The following PPP1R9A variants were observed in gnomAD, a reference collection of about 807,000 sequenced individuals.
PPP1R9A encodes neurabin-1.
Under a neutral mutation model 141.9 loss-of-function variants are expected in PPP1R9A, and 59 were observed. That is an observed-to-expected ratio of 0.42 (90% CI 0.34 to 0.52). The LOEUF is 0.52. PPP1R9A is among the 20% of genes least tolerant of loss of function. The pLI, the probability that PPP1R9A is intolerant of heterozygous loss-of-function variation, is 0.10. For synonymous variants in PPP1R9A, 500 were observed against 569.7 expected (o/e 0.88, Z 1.74); for missense variants, 1,444 against 1,611.9 (o/e 0.90, Z 1.78).
chr7:95,067,081 A>C (rs971472527), intron 2 of PPP1R9A, among the ~76,000 whole-genome samples: 40 of 152,378 alleles, frequency 2.6e-4, no homozygotes, highest in Admixed American at 2.3e-3. Context: ...TTAGAATTCT[A>C]TACCAAAATT....
At chr7:95,093,631 C>G (rs1817643470) in intron 2 of PPP1R9A, among the ~76,000 whole-genome samples, 2 of 151,958 alleles carry the variant, frequency 1.3e-5, no homozygotes, top group Admixed American at 1.3e-4. Context: ...AAAAACCTAC[C>G]CATCAAAAGG....
intron 2 of PPP1R9A, among the ~76,000 whole-genome samples, chr7:95,101,013 C>T (rs1214344715): frequency 1.1e-4 from 16 of 151,108 alleles, no homozygotes; most frequent in Admixed American, 2.6e-4. Context: ...CTACCACGCC[C>T]GGCTAATTTT....
At chr7:95,099,663 A>G (rs1011040648) in intron 2 of PPP1R9A, among the ~76,000 whole-genome samples, 2 of 152,174 alleles carry the variant, frequency 1.3e-5, no homozygotes, top group African/African-American at 4.8e-5. Flanking sequence ...ACTTATTTTT[A>G]AGGCTTTTCT....
intron 4 of PPP1R9A, among the ~76,000 whole-genome samples, chr7:95,157,613 T>C (rs1043183523): frequency 2.6e-5 from 4 of 152,194 alleles, no homozygotes; most frequent in Non-Finnish European, 4.4e-5. Flanking sequence ...CGGCAGGCCG[T>C]CTGGAGTGGC....
intron 2 of PPP1R9A, among the ~76,000 whole-genome samples, chr7:95,067,038 C>T (rs1055775420): frequency 6.6e-6 from 1 of 152,138 alleles, no homozygotes; most frequent in African/African-American, 2.4e-5. Context: ...CAGAGCAATG[C>T]CTTAAAAATT....
At chr7:95,120,960 A>C (rs1822463241) in intron 4 of PPP1R9A, 128 bp downstream of exon 4, 13 of 1,217,640 alleles carry the variant, frequency 1.1e-5, no homozygotes, top group Non-Finnish European at 1.4e-5. Context: ...CTCAGATGTG[A>C]AAATCTTTAA....
intron 2 of PPP1R9A, among the ~76,000 whole-genome samples, chr7:95,085,568 C>T (rs1415124946): frequency 6.6e-6 from 1 of 151,672 alleles, no homozygotes; most frequent in Non-Finnish European, 1.5e-5. Context: ...ATGCTCACCA[C>T]AATGCCTGGC....
intron 5 of PPP1R9A, among the ~76,000 whole-genome samples, chr7:95,181,625 A>ATCACATATATATAGAATATATATATTCCG (rs1833836904): frequency 1.4e-5 from 2 of 141,032 alleles, no homozygotes; most frequent in African/African-American, 2.6e-5. Flanking sequence ...TATATATTCC[A>ATCACATATATATAGAATATATATATTCCG]TCACATATAT....
intron 4 of PPP1R9A, among the ~76,000 whole-genome samples, chr7:95,128,425 A>T (rs1584841547): frequency 2.0e-5 from 3 of 152,186 alleles, no homozygotes; most frequent in Non-Finnish European, 2.9e-5. Context: ...CTTTTGTCAG[A>T]TGCATAGTTT....
At chr7:95,159,626 G>GA (rs1054437914) in intron 4 of PPP1R9A, among the ~76,000 whole-genome samples, 15 of 151,886 alleles carry the variant, frequency 9.9e-5, no homozygotes, top group African/African-American at 3.6e-4. Flanking sequence ...TGCTTCTTTA[G>GA]AAAAAATATG....
intron 4 of PPP1R9A, among the ~76,000 whole-genome samples, chr7:95,151,826 A>T (rs993833856): frequency 6.6e-6 from 1 of 152,052 alleles, no homozygotes; most frequent in African/African-American, 2.4e-5. Context: ...ATTAATTTCC[A>T]AAACAGGTAG....
chr7:95,095,588 G>A (rs1289093349), intron 2 of PPP1R9A, among the ~76,000 whole-genome samples: 1 of 152,160 alleles, frequency 6.6e-6, no homozygotes, highest in Admixed American at 6.5e-5. Context: ...GCTGTATATT[G>A]ACATTTTCAG....
At chr7:95,155,798 TTATCTTAGAA>T in intron 4 of PPP1R9A, 1 of 152,222 alleles carries the variant, frequency 6.6e-6, no homozygotes, top group South Asian at 2.1e-4. Context: ...TTAATGAATT[TTATCTTAGAA>T]TAATATAGCT....
chr7:94,948,630 GC>G (rs1376505733), intron 2 of PPP1R9A, among the ~76,000 whole-genome samples: 1 of 152,114 alleles, frequency 6.6e-6, no homozygotes, highest in Non-Finnish European at 1.5e-5. Context: ...AGTATAGCTA[GC>G]TTTCCCCTCT....
At chr7:95,175,287 G>GATGGATGC (rs1241663281) in intron 5 of PPP1R9A, among the ~76,000 whole-genome samples, 15 of 151,850 alleles carry the variant, frequency 9.9e-5, no homozygotes, top group Non-Finnish European at 1.5e-4. Context: ...TGGATGGATG[G>GATGGATGC]ATGGATGGAT....
chr7:95,221,964 A>G (rs1458091018), intron 7 of PPP1R9A, among the ~76,000 whole-genome samples: 1 of 152,074 alleles, frequency 6.6e-6, no homozygotes, highest in Non-Finnish European at 1.5e-5. Flanking sequence ...ATAAAATGGT[A>G]TGCATATGTG....
In PPP1R9A at chr7:95,292,665, A is replaced by G. The variant is rs1429039027; in HGVS notation, c.*2362A>G. ...CTTATTCCTAAAATCATTTAGTATT[A>G]TAAGTATTTTGATTTTTTAAGTTAA... On this transcript the variant is annotated 3_prime_UTR_variant, in exon 20 of 20. Transcript: ENST00000433360. 1 of 152,212 alleles carries G rather than the reference A, an allele frequency of 6.6e-6. No individual in the cohort carries two copies. The highest frequency in any genetic ancestry group is 1.5e-5 in the Non-Finnish European group (1 of 68,026). The allele number at this position is 152,212 out of a possible 1,614,324, so 9.4% of individuals were successfully genotyped here. A position where few individuals can be genotyped will look rare whatever the true frequency, so the allele number is the denominator to read the frequency against.
At chr7:95,136,706 A>T (rs893008043) in intron 4 of PPP1R9A, among the ~76,000 whole-genome samples, 1 of 152,208 alleles carries the variant, frequency 6.6e-6, no homozygotes, top group South Asian at 2.1e-4. Flanking sequence ...AATATTTGAC[A>T]TCCTAACTTT....
intron 4 of PPP1R9A, among the ~76,000 whole-genome samples, chr7:95,131,214 TGTC>T (rs1824544832): frequency 6.6e-6 from 1 of 152,162 alleles, no homozygotes; most frequent in African/African-American, 2.4e-5. Context: ...CCTGTGCTGT[TGTC>T]GTGACAGTGA....
Sources: gnomAD v4.1 joint callset for allele counts (sites outside exome capture counted in the v4.1 genomes callset) on GRCh38, gnomAD v4.1.1 for gene constraint, MANE v1.5 for transcripts, NCBI Gene and HGNC (gene_info 2026-07-23, HGNC 2026-07-21) for gene names.